The following ERGIC2 variants were observed in gnomAD, a reference collection of about 807,000 sequenced individuals.
ERGIC2 encodes ERGIC and golgi 2, also known as endoplasmic reticulum-Golgi intermediate compartment protein 2.
In ERGIC2, 31 loss-of-function variants were observed where a neutral mutation model predicts 52.5. That is an observed-to-expected ratio of 0.59 (90% CI 0.44 to 0.80). The LOEUF is 0.80. ERGIC2 is among the 30% of genes least tolerant of loss of function. ERGIC2 has a pLI of 0.00. For missense variants in ERGIC2, 395 were observed against 455.2 expected (o/e 0.87, Z 1.20); for synonymous variants, 129 against 140.6 (o/e 0.92, Z 0.58).
intron 6 of ERGIC2, among the ~76,000 whole-genome samples, chr12:29,360,993 T>A (rs1940277232): frequency 6.6e-6 from 1 of 152,202 alleles, no homozygotes; most frequent in African/African-American, 2.4e-5. Flanking sequence ...ATGCCTGTAA[T>A]CCCAGCCCTC....
intron 1 of ERGIC2, among the ~76,000 whole-genome samples, chr12:29,379,726 G>A (rs1427845354): frequency 1.3e-5 from 2 of 152,002 alleles, no homozygotes; most frequent in African/African-American, 4.8e-5. Context: ...AAGGAACTAA[G>A]GCACAGAGAG....
At chr12:29,355,085 T>C (rs1196915680) in intron 8 of ERGIC2, among the ~76,000 whole-genome samples, 3 of 152,212 alleles carry the variant, frequency 2.0e-5, no homozygotes, top group Admixed American at 6.5e-5. Context: ...GCCATGCTCT[T>C]TCCTGCTGTA....
chr12:29,350,325 T>C (rs1323516196), intron 8 of ERGIC2, among the ~76,000 whole-genome samples: 2 of 152,142 alleles, frequency 1.3e-5, no homozygotes. Flanking sequence ...CAAAATCAAG[T>C]ATATTATGTA....
intron 8 of ERGIC2, 150 bp from the exon 9 acceptor site, chr12:29,350,218 C>T (rs1401038639): frequency 1.8e-6 from 1 of 545,078 alleles, no homozygotes; most frequent in Non-Finnish European, 3.3e-6. Context: ...GCAGACAAGT[C>T]TACTCATCTC....
At chr12:29,347,214 A>T (rs1224707312) in intron 10 of ERGIC2, among the ~76,000 whole-genome samples, 1 of 152,204 alleles carries the variant, frequency 6.6e-6, no homozygotes, top group Non-Finnish European at 1.5e-5. Flanking sequence ...TAGATAGTAT[A>T]GGCATTCTCT....
Position 29,354,443 on chromosome 12 carries a change from C to T in ERGIC2, c.572+1939G>A, listed in dbSNP as rs143565089. Among the ~76,000 whole-genome samples, 866 of 152,262 alleles carry T rather than the reference C, an allele frequency of 5.7e-3. 4 individuals carry two copies. The highest frequency in any genetic ancestry group is 0.018 in the South Asian group (86 of 4,828). ...TCTACATATAAGTGGCAAGCATCTG[C>T]CTACTTCATTATGTCTTCTAGTGTA... is the stretch of plus-strand genomic sequence containing the variant. On this transcript the variant is annotated intron_variant, in intron 8 of 13. Coordinates refer to ENST00000360150, the MANE Select transcript of ERGIC2 (RefSeq NM_016570.3).
intron 12 of ERGIC2, among the ~76,000 whole-genome samples, chr12:29,342,127 T>C (rs1234131090): frequency 6.6e-6 from 1 of 152,124 alleles, no homozygotes; most frequent in African/African-American, 2.4e-5. Context: ...TTCTTGTGCT[T>C]CAGCCTCCCA....
At chr12:29,373,316 AAAT>A (rs1565545741) in intron 1 of ERGIC2, among the ~76,000 whole-genome samples, 3 of 152,162 alleles carry the variant, frequency 2.0e-5, no homozygotes. Context: ...ACTGATTTAT[AAAT>A]AATACTATAG....
intron 4 of ERGIC2, among the ~76,000 whole-genome samples, chr12:29,367,308 G>A (rs1295996979): frequency 6.6e-6 from 1 of 151,624 alleles, no homozygotes; most frequent in Non-Finnish European, 1.5e-5. Context: ...AGTGGCTGCT[G>A]AACAAAATAT....
chr12:29,349,566 T>C (rs1940104212), intron 9 of ERGIC2, among the ~76,000 whole-genome samples: 1 of 152,052 alleles, frequency 6.6e-6, no homozygotes, highest in Non-Finnish European at 1.5e-5. Context: ...GATATATTTT[T>C]AATACACTAT....
chr12:29,345,968 A>G, intron 10 of ERGIC2, among the ~76,000 whole-genome samples: 1 of 151,994 alleles, frequency 6.6e-6, no homozygotes, highest in East Asian at 2.0e-4. Context: ...AAATAAAAAC[A>G]TTTAATCTGA....
At chr12:29,355,709 A>G (rs10843391) in intron 8 of ERGIC2, among the ~76,000 whole-genome samples, 58,266 of 151,938 alleles carry the variant, frequency 0.38, 12,759 homozygotes, top group African/African-American at 0.61. Context: ...CCACCAAAAC[A>G]TTAAGACAAA....
At chr12:29,360,985 G>A (rs999855065) in intron 6 of ERGIC2, among the ~76,000 whole-genome samples, 2 of 152,152 alleles carry the variant, frequency 1.3e-5, no homozygotes, top group African/African-American at 4.8e-5. Flanking sequence ...AGTGGCTCAT[G>A]CCTGTAATCC....
chr12:29,367,042 C>G, intron 4 of ERGIC2, 95 bp from the exon 5 acceptor site: 1 of 493,986 alleles, frequency 2.0e-6, no homozygotes, highest in Non-Finnish European at 3.3e-6. Context: ...AGAAAACTCA[C>G]CAAGCAAAAA....
chr12:29,378,196 G>A (rs1392308985), intron 1 of ERGIC2, among the ~76,000 whole-genome samples: 1 of 152,130 alleles, frequency 6.6e-6, no homozygotes, highest in African/African-American at 2.4e-5. Context: ...GAAACACAAG[G>A]GAAAATGCCA....
chr12:29,350,149 A>T, intron 8 of ERGIC2, 81 bp from the exon 9 acceptor site: 2 of 826,766 alleles, frequency 2.4e-6, no homozygotes, highest in Non-Finnish European at 2.0e-6. Context: ...ATCTTCCCTA[A>T]GTTATATAAT....
At chr12:29,365,856 T>G (rs1940354754) in intron 5 of ERGIC2, among the ~76,000 whole-genome samples, 1 of 151,916 alleles carries the variant, frequency 6.6e-6, no homozygotes, top group African/African-American at 2.4e-5. Context: ...CAAAATCGAT[T>G]TTTTGAGTGG....
At chr12:29,354,219 G>A (rs1940172370) in intron 8 of ERGIC2, among the ~76,000 whole-genome samples, 2 of 152,146 alleles carry the variant, frequency 1.3e-5, no homozygotes. Context: ...ACCCCATTTA[G>A]CTATATAAAG....
At chr12:29,371,979 T>G (rs1940446982) in intron 1 of ERGIC2, among the ~76,000 whole-genome samples, 1 of 152,162 alleles carries the variant, frequency 6.6e-6, no homozygotes, top group South Asian at 2.1e-4. Flanking sequence ...AATTGAAAAC[T>G]ATATAAAAAT....
Sources: allele counts gnomAD v4.1 joint callset (sites outside exome capture counted in the v4.1 genomes callset), GRCh38; gene constraint gnomAD v4.1.1; transcripts MANE v1.5; gene names NCBI Gene and HGNC (gene_info 2026-07-23, HGNC 2026-07-21).